The following AGMO variants were observed in gnomAD, a reference collection of about 807,000 sequenced individuals.
AGMO encodes alkylglycerol monooxygenase, also known as glyceryl-ether monooxygenase.
Under a neutral mutation model 60.2 loss-of-function variants are expected in AGMO, and 75 were observed. That is an observed-to-expected ratio of 1.25 (90% CI 1.03 to 1.51). The LOEUF (loss-of-function observed/expected upper bound fraction) is 1.51, where lower values mean the gene tolerates loss of function less well. Ranked by LOEUF, AGMO falls within the 40% of genes most tolerant of loss-of-function variation. The pLI is 0.00. For synonymous variants in AGMO, 261 were observed against 177.1 expected, an observed-to-expected ratio of 1.47 and a Z score of -3.76; for missense variants, 763 against 525.5, an observed-to-expected ratio of 1.45 and a Z score of -4.42.
At chr7:15,297,409 A>G (rs1299477926) in intron 12 of AGMO, among the ~76,000 whole-genome samples, 2 of 152,172 alleles carry the variant, frequency 1.3e-5, no homozygotes, top group Admixed American at 1.3e-4. Flanking sequence ...TTCAAGTCAA[A>G]TATCATTACA....
At chr7:15,397,376 CCT>C (rs1045401280) in intron 5 of AGMO, among the ~76,000 whole-genome samples, 25 of 151,924 alleles carry the variant, frequency 1.6e-4, no homozygotes, top group African/African-American at 5.8e-4. Context: ...GGCTCCCGCA[CCT>C]CTCTCTCCCT....
chr7:15,431,194 G>T, intron 3 of AGMO, 86 bp from the exon 4 acceptor site: 1 of 880,198 alleles, frequency 1.1e-6, no homozygotes, highest in Non-Finnish European at 1.8e-6. Flanking sequence ...TCTGTTGAGT[G>T]AGGAAGAAAA....
At chr7:15,357,592 T>C (rs975721983) in intron 12 of AGMO, among the ~76,000 whole-genome samples, 28 of 152,228 alleles carry the variant, frequency 1.8e-4, no homozygotes, top group African/African-American at 6.5e-4. Context: ...ATATAGAGTC[T>C]CTGAGCCTAG....
At chr7:15,147,962 T>C in the AGMO span, among the ~76,000 whole-genome samples, 5 of 152,214 alleles carry the variant, frequency 3.3e-5, no homozygotes, top group Admixed American at 6.5e-5. Context: ...AATTCAGGTG[T>C]CAATTTTGGA....
At chr7:15,339,683 T>G (rs930305205) in intron 12 of AGMO, among the ~76,000 whole-genome samples, 1 of 152,172 alleles carries the variant, frequency 6.6e-6, no homozygotes, top group Non-Finnish European at 1.5e-5. Context: ...CATCCCTGTA[T>G]GAAAATGATG....
At chr7:15,160,384 C>G in the AGMO span, among the ~76,000 whole-genome samples, 1 of 152,076 alleles carries the variant, frequency 6.6e-6, no homozygotes, top group Non-Finnish European at 1.5e-5. Context: ...GTGTCTGATA[C>G]AAAGAAGTAT....
intron 12 of AGMO, among the ~76,000 whole-genome samples, chr7:15,298,109 ATG>A (rs1784455628): frequency 6.6e-6 from 1 of 150,866 alleles, no homozygotes; most frequent in Non-Finnish European, 1.5e-5. Context: ...ATGTTATGTT[ATG>A]TCCTCTTTGT....
In AGMO at chr7:15,322,583, TAA is replaced by T. The variant is rs1563086392; in HGVS notation, c.1263+42929_1263+42930del. ...ATATATAAATATATATAAATATATA[TAA>T]ATATATAAATATATATAAATATATA... is the stretch of plus-strand genomic sequence containing the variant. On this transcript the variant is annotated intron_variant, in intron 12 of 12. Transcript: ENST00000342526. Among the ~76,000 whole-genome samples, 29 of 37,076 alleles carry T rather than the reference TAA, an allele frequency of 7.8e-4. 5 individuals are homozygous for T. The highest frequency in any genetic ancestry group is 4.1e-3 in the African/African-American group (29 of 7,106). The allele number at this position is 37,076 out of a possible 152,430, so 24.3% of individuals were successfully genotyped here.
intron 3 of AGMO, among the ~76,000 whole-genome samples, chr7:15,444,668 C>A (rs1781652689): frequency 6.6e-6 from 1 of 152,298 alleles, no homozygotes; most frequent in Middle Eastern, 3.4e-3. Flanking sequence ...TTGTTCTCAT[C>A]TAACTTTAAA....
the AGMO span, among the ~76,000 whole-genome samples, chr7:15,184,294 G>GAA: frequency 3.4e-5 from 2 of 58,822 alleles, no homozygotes; most frequent in East Asian, 1.2e-3. Context: ...AGGAAGGAAG[G>GAA]GAGGCAGGCA....
In AGMO at chr7:15,289,140, G is replaced by A. The variant is rs562594548; in HGVS notation, c.1263+76374C>T. ...TACAAAAAAAAATCTTTACTGTTAC[G>A]GCCCCATACATAAAGCAATTTACTT... On this transcript the variant is annotated intron_variant, in intron 12 of 12. Coordinates refer to ENST00000342526, the MANE Select transcript of AGMO (RefSeq NM_001004320.2). Among the ~76,000 whole-genome samples, 10 of 151,142 alleles carry A rather than the reference G, an allele frequency of 6.6e-5. No homozygotes were observed. The East Asian group carries it at 1.2e-3, about 18-fold the overall frequency.
intron 4 of AGMO, among the ~76,000 whole-genome samples, chr7:15,426,325 C>G (rs886807706): frequency 4.6e-5 from 7 of 152,056 alleles, no homozygotes; most frequent in Non-Finnish European, 8.8e-5. Context: ...AGGTATACAG[C>G]AGTGAAAAAT....
At chr7:15,175,286 C>T in the AGMO span, among the ~76,000 whole-genome samples, 1 of 151,888 alleles carries the variant, frequency 6.6e-6, no homozygotes, top group Non-Finnish European at 1.5e-5. Context: ...GCTACTTTAA[C>T]TATCTTCCAG....
chr7:15,140,838 A>G, the AGMO span, among the ~76,000 whole-genome samples: 1 of 152,112 alleles, frequency 6.6e-6, no homozygotes, highest in Admixed American at 6.6e-5. Flanking sequence ...TTCATATTTT[A>G]TATATGATAA....
intron 12 of AGMO, among the ~76,000 whole-genome samples, chr7:15,335,044 A>C (rs1439172590): frequency 6.6e-6 from 1 of 152,170 alleles, no homozygotes; most frequent in Non-Finnish European, 1.5e-5. Context: ...CCTGCCACAA[A>C]GGGAGACTCA....
At chr7:15,192,731 C>T in the AGMO span, among the ~76,000 whole-genome samples, 36 of 152,210 alleles carry the variant, frequency 2.4e-4, no homozygotes, top group East Asian at 1.4e-3. Flanking sequence ...GTGGTTCCAG[C>T]GCCCAAAAGT....
chr7:15,327,827 C>A (rs932508999), intron 12 of AGMO, among the ~76,000 whole-genome samples: 2 of 147,090 alleles, frequency 1.4e-5, no homozygotes, highest in South Asian at 2.2e-4. Flanking sequence ...TATAGTGTTG[C>A]CATCACAGCT....
At position 15,499,932 on chromosome 7, in the gene AGMO, C is replaced by CACACACAT. The variant is rs146144087; in HGVS notation, c.409+44839_409+44840insATGTGTGT. The stretch of plus-strand genomic sequence containing the variant: ...GCACACACACACACACACACACACA[C>CACACACAT]ATATATATATATAATATATATATTT... On this transcript the variant is annotated intron_variant, in intron 3 of 12. Coordinates refer to ENST00000342526, the MANE Select transcript of AGMO (RefSeq NM_001004320.2). Among the ~76,000 whole-genome samples, 472 of 138,992 alleles carry CACACACAT rather than the reference C, an allele frequency of 3.4e-3. 2 individuals are homozygous for CACACACAT. The highest frequency in any genetic ancestry group is 0.011 in the Middle Eastern group (3 of 278). The allele number at this position is 138,992 out of a possible 152,430, so 91.2% of individuals were successfully genotyped here.
chr7:15,384,141 A>G (rs970156721), intron 10 of AGMO, among the ~76,000 whole-genome samples: 56 of 152,064 alleles, frequency 3.7e-4, no homozygotes, highest in East Asian at 9.7e-4. Flanking sequence ...GTTTCACCGT[A>G]TTAGCCAGGA....
Sources: gnomAD v4.1 joint callset for allele counts (sites outside exome capture counted in the v4.1 genomes callset) on GRCh38, gnomAD v4.1.1 for gene constraint, MANE v1.5 for transcripts, NCBI Gene and HGNC (gene_info 2026-07-23, HGNC 2026-07-21) for gene names.